PBX1: variants seen among roughly 807,000 people sequenced by gnomAD.
PBX1 encodes the protein pre-B-cell leukemia transcription factor 1.
A neutral mutation model predicts 53.4 loss-of-function variants in PBX1; 6 were observed. The ratio of observed to expected loss-of-function variants is 0.11; its 90% confidence interval spans 0.06 to 0.22. PBX1 has a LOEUF of 0.22. PBX1 is among the 10% of genes least tolerant of loss of function. The pLI, the probability that PBX1 is intolerant of heterozygous loss-of-function variation, is 1.00. For missense variants in PBX1, 251 were observed against 551.4 expected, an observed-to-expected ratio of 0.46 and a Z score of 5.46; for synonymous variants, 204 against 212.3, an observed-to-expected ratio of 0.96 and a Z score of 0.34.
chr1:164,681,117 T>C (rs1661745719), intron 2 of PBX1, among the ~76,000 whole-genome samples: 1 of 151,904 alleles, frequency 6.6e-6, no homozygotes, highest in Non-Finnish European at 1.5e-5. Context: ...GATGGGAGCG[T>C]GCCTGTAGTC....
At chr1:164,883,812 T>C (rs1672716491) in intron 2 of PBX1, among the ~76,000 whole-genome samples, 1 of 152,222 alleles carries the variant, frequency 6.6e-6, no homozygotes, top group South Asian at 2.1e-4. Flanking sequence ...TTAGATGCAC[T>C]ATTAACTTTT....
intron 2 of PBX1, among the ~76,000 whole-genome samples, chr1:164,728,047 G>T (rs569249576): frequency 1.3e-5 from 2 of 152,184 alleles, no homozygotes; most frequent in Non-Finnish European, 2.9e-5. Flanking sequence ...GAGCCAGGCT[G>T]GGCGTGGTGG....
At chr1:164,643,312 C>T (rs1484974670) in intron 2 of PBX1, among the ~76,000 whole-genome samples, 2 of 152,070 alleles carry the variant, frequency 1.3e-5, no homozygotes, top group Non-Finnish European at 2.9e-5. Context: ...GCAATGCTGA[C>T]GTGGTGTCGT....
At chr1:164,877,014 C>T (rs1403962251) in intron 2 of PBX1, among the ~76,000 whole-genome samples, 2 of 152,186 alleles carry the variant, frequency 1.3e-5, no homozygotes, top group East Asian at 3.9e-4. Flanking sequence ...AGAGGAAGTA[C>T]CATGTGCCAA....
intron 2 of PBX1, among the ~76,000 whole-genome samples, chr1:164,739,141 T>C (rs971761698): frequency 1.1e-4 from 16 of 152,148 alleles, no homozygotes; most frequent in African/African-American, 3.9e-4. Context: ...TCCAGAAAAC[T>C]ACCACTCTCT....
intron 2 of PBX1, among the ~76,000 whole-genome samples, chr1:164,608,864 C>T (rs1276363306): frequency 1.3e-5 from 2 of 151,920 alleles, no homozygotes; most frequent in Non-Finnish European, 2.9e-5. Context: ...TGATTGGCTC[C>T]CAGAGGCTTC....
intron 2 of PBX1, among the ~76,000 whole-genome samples, chr1:164,677,582 G>A (rs1328656163): frequency 6.6e-6 from 1 of 152,114 alleles, no homozygotes; most frequent in Non-Finnish European, 1.5e-5. Context: ...TGTGGCATGG[G>A]TTAAAAGTAT....
At chr1:164,843,584 TG>T (rs199915303) in intron 8 of PBX1, among the ~76,000 whole-genome samples, 2,647 of 152,216 alleles carry the variant, frequency 0.017, 35 homozygotes, top group Non-Finnish European at 0.025. Context: ...AAAGAGGTTT[TG>T]TTTAATGTAT....
intron 2 of PBX1, among the ~76,000 whole-genome samples, chr1:164,669,567 C>T (rs1252001255): frequency 2.6e-5 from 4 of 152,142 alleles, no homozygotes; most frequent in Non-Finnish European, 4.4e-5. Flanking sequence ...GGTTCTAGCT[C>T]CAATAGTCCT....
At chr1:164,716,686 AC>A (rs955467396) in intron 2 of PBX1, among the ~76,000 whole-genome samples, 5 of 7,914 alleles carry the variant, frequency 6.3e-4, no homozygotes, top group African/African-American at 2.3e-3. Flanking sequence ...TGTCATCTCT[AC>A]ACACACACAC....
chr1:164,863,303 C>T lies in PBX1; in HGVS notation n.257+31820C>T, dbSNP rs183658602. Among the ~76,000 whole-genome samples, 22 of 152,292 alleles carry T rather than the reference C, an allele frequency of 1.4e-4. 1 individual carries two copies. The South Asian group carries it at 2.9e-3, about 20-fold the overall frequency. ...GGTGACAGATTGTGGATTCACAGGACGTGCTGAGGTGGGGGCTCAGTGATG... is the reference window on the plus strand; with the variant it reads ...GGTGACAGATTGTGGATTCACAGGATGTGCTGAGGTGGGGGCTCAGTGATG... On this transcript the variant is annotated intron_variant and non_coding_transcript_variant, in intron 2 of 2. Transcript: ENST00000558796.
intron 2 of PBX1, chr1:164,702,903 T>C (rs1055347087): frequency 1.3e-5 from 2 of 152,204 alleles, no homozygotes; most frequent in African/African-American, 4.8e-5. Flanking sequence ...GGAGATACTT[T>C]GTCTATTCTG....
intron 8 of PBX1, among the ~76,000 whole-genome samples, chr1:164,842,456 C>T (rs961406104): frequency 1.3e-5 from 2 of 152,084 alleles, no homozygotes; most frequent in African/African-American, 2.4e-5. Context: ...TTTTTATTCC[C>T]GAAACACTTT....
chr1:164,836,800 T>G (rs1486129545), intron 8 of PBX1, among the ~76,000 whole-genome samples: 1 of 152,180 alleles, frequency 6.6e-6, no homozygotes, highest in Admixed American at 6.5e-5. Context: ...TGAAATAGAT[T>G]TGGTGCGTCA....
intron 2 of PBX1, among the ~76,000 whole-genome samples, chr1:164,624,701 C>G (rs768674778): frequency 1.3e-5 from 2 of 152,174 alleles, no homozygotes; most frequent in African/African-American, 4.8e-5. Flanking sequence ...TTCACTTAAA[C>G]AAGCATTTTT....
chr1:164,847,427 A>G lies in PBX1; in HGVS notation c.*751A>G. The G allele has an allele frequency of 1.9e-6, 2 of 1,063,930 alleles. No individual in the cohort carries two copies. Among genetic ancestry groups the G allele is most frequent in the Non-Finnish European group, 2.3e-6 (2 of 878,398 alleles). 65.9% of individuals were successfully genotyped at this position (1,063,930 alleles called of 1,614,324 possible). A position where few individuals can be genotyped will look rare whatever the true frequency, so the allele number is the denominator to read the frequency against. On this transcript the variant is annotated 3_prime_UTR_variant, in exon 9 of 9. Coordinates refer to ENST00000420696, the MANE Select transcript of PBX1 (RefSeq NM_002585.4). Reference sequence around the variant, plus strand: ...GGAACAGCAGGTGGAGAATTCCTACAGTCTTTCTTACCCTGCTAGCAATAG... The same window carrying G: ...GGAACAGCAGGTGGAGAATTCCTACGGTCTTTCTTACCCTGCTAGCAATAG...
intron 3 of PBX1, among the ~76,000 whole-genome samples, chr1:164,795,802 T>C (rs1394926571): frequency 6.6e-6 from 1 of 152,186 alleles, no homozygotes; most frequent in African/African-American, 2.4e-5. Context: ...AGTGAAAATG[T>C]CAGTATTTTA....
At chr1:164,575,936 T>C (rs1654200572) in intron 2 of PBX1, among the ~76,000 whole-genome samples, 1 of 151,726 alleles carries the variant, frequency 6.6e-6, no homozygotes, top group African/African-American at 2.4e-5. Context: ...AGTAACCACA[T>C]CGTGTGAGGA....
In PBX1 at chr1:164,722,644, GACC is replaced by G. The variant is rs1571287897; in HGVS notation, c.266-69848_266-69846del. 2.6e-5 allele frequency among the ~76,000 whole-genome samples: 4 copies of G among 152,190 alleles called. No individual in the cohort carries two copies. The East Asian group carries it at 7.7e-4, about 29-fold the overall frequency. On this transcript the variant is annotated intron_variant, in intron 2 of 8. Coordinates refer to ENST00000420696, the MANE Select transcript of PBX1 (RefSeq NM_002585.4). ...CTCTCTCTTCCCCTCCTCTTCCACT[GACC>G]ATCAAGATTCTGTTCCTCATTCTTT...
Sources: allele counts gnomAD v4.1 joint callset (sites outside exome capture counted in the v4.1 genomes callset), GRCh38; gene constraint gnomAD v4.1.1; transcripts MANE v1.5; gene names NCBI Gene and HGNC (gene_info 2026-07-23, HGNC 2026-07-21).